The following GALNT8 variants were observed in gnomAD, a reference collection of about 807,000 sequenced individuals.
GALNT8 encodes probable polypeptide N-acetylgalactosaminyltransferase 8.
A neutral mutation model predicts 62.7 loss-of-function variants in GALNT8; 66 were observed. That is an observed-to-expected ratio of 1.05 (90% CI 0.86 to 1.29). The LOEUF (loss-of-function observed/expected upper bound fraction) is 1.29. Ranked by LOEUF, GALNT8 falls within the 50% of genes most tolerant of loss-of-function variation. The pLI is 0.00. For missense variants in GALNT8, 771 were observed against 791.8 expected (o/e 0.97, Z 0.32); for synonymous variants, 288 against 294.3 (o/e 0.98, Z 0.22).
intron 10 of GALNT8, among the ~76,000 whole-genome samples, chr12:4,769,040 G>T (rs939327278): frequency 6.6e-6 from 1 of 152,200 alleles, no homozygotes. Context: ...AGTTCAAGAA[G>T]AGAAGGGCTA....
chr12:4,744,941 G>A (rs1400139001), intron 4 of GALNT8, among the ~76,000 whole-genome samples: 1 of 152,216 alleles, frequency 6.6e-6, no homozygotes, highest in Non-Finnish European at 1.5e-5. Context: ...GTGAATTTGA[G>A]TAAGTCACTT....
chr12:4,734,263 G>A (rs1178052485), intron 2 of GALNT8, among the ~76,000 whole-genome samples: 1 of 152,170 alleles, frequency 6.6e-6, no homozygotes, highest in Non-Finnish European at 1.5e-5. Context: ...GCTGTGACTC[G>A]AGTGAACACA....
At position 4,761,001 on chromosome 12, in the gene GALNT8, G is replaced by C; in HGVS notation, c.1217G>C (p.Arg406Pro). The C allele has an allele frequency of 3.7e-6, 6 of 1,614,060 alleles. No homozygotes were observed. The highest frequency in any genetic ancestry group is 4.2e-6 in the Non-Finnish European group (5 of 1,180,012). ...AAGGTCGAGATTTTGCCCTGTTCCCGGATTGCCCACCTAGAGAGACACCAC... is the reference window on the plus strand; with the variant it reads ...AAGGTCGAGATTTTGCCCTGTTCCCCGATTGCCCACCTAGAGAGACACCAC... Reference protein sequence around the residue: ...GGKVEILPCSRIAHLERHHKP... With the variant: ...GGKVEILPCSPIAHLERHHKP... Residue 406 changes from arginine to proline, a missense_variant, in exon 7 of 11, where the codon CGG becomes CCG. Arg to Pro is a moderately radical substitution (Grantham distance 103). Transcript: ENST00000252318.
chr12:4,732,385 C>T (rs1278694260), intron 2 of GALNT8, among the ~76,000 whole-genome samples: 1 of 151,472 alleles, frequency 6.6e-6, no homozygotes, highest in East Asian at 1.9e-4. Context: ...GTCATCCAAC[C>T]AACAAACACT....
In GALNT8 at chr12:4,749,003, C is replaced by A. The variant is rs1946311959; in HGVS notation, c.1173+2745C>A. On this transcript the variant is annotated intron_variant, in intron 6 of 10. Transcript: ENST00000252318. The surrounding 1 kb of genome is among the most constrained non-coding windows in gnomAD (Gnocchi z 4.1). ...TAAATGGAATTACTTTTAAAGATTT[C>A]TTTTCAGATTGTTCACTATTGGCAT... Among the ~76,000 whole-genome samples, 1 of 151,978 alleles carries A rather than the reference C, an allele frequency of 6.6e-6. No individual in the cohort carries two copies.
intron 6 of GALNT8, among the ~76,000 whole-genome samples, chr12:4,752,682 C>A (rs935568296): frequency 2.0e-5 from 3 of 152,058 alleles, no homozygotes; most frequent in African/African-American, 7.2e-5. Context: ...TTTAGACTTT[C>A]TATTTAGGAT....
At chr12:4,742,544 T>G (rs1340505674) in intron 3 of GALNT8, among the ~76,000 whole-genome samples, 1 of 152,198 alleles carries the variant, frequency 6.6e-6, no homozygotes, top group Non-Finnish European at 1.5e-5. Context: ...GAAAGATACC[T>G]TAATGTGTGA....
At chr12:4,763,679 T>C (rs1946383803) in intron 8 of GALNT8, among the ~76,000 whole-genome samples, 1 of 124,232 alleles carries the variant, frequency 8.0e-6, no homozygotes, top group African/African-American at 3.1e-5. Context: ...CTTGTCCGCC[T>C]GAACTCCGCA....
rs758527457 is a variant in GALNT8, at chr12:4,772,542, A to G, written c.1859A>G (p.Gln620Arg). ...CTTGTGCTCCAGACCTGTAGCACGC[A>G]AGTGTGGGAAATCCAGCACACTGTC... ...HVLVLQTCSTQVWEIQHTVRD... is the reference protein window; with the variant it reads ...HVLVLQTCSTRVWEIQHTVRD... Residue 620 changes from glutamine to arginine, a missense_variant, in exon 11 of 11, where the codon CAA (glutamine) becomes CGA (arginine). By Grantham distance (43) the Gln-to-Arg change is conservative. Transcript: ENST00000252318. The G allele has an allele frequency of 6.2e-7, 1 of 1,613,698 alleles. No homozygotes were observed. Among genetic ancestry groups the G allele is most frequent in the South Asian group, 1.1e-5 (1 of 91,082 alleles).
At chr12:4,768,505 A>AT (rs1373654366) in intron 10 of GALNT8, 2 of 347,070 alleles carry the variant, frequency 5.8e-6, no homozygotes, top group Non-Finnish European at 1.2e-5. Flanking sequence ...TGCCAAGAAA[A>AT]TTTTGGATGA....
intron 8 of GALNT8, 101 bp downstream of exon 8, chr12:4,763,491 C>T (rs1226631631): frequency 2.2e-6 from 2 of 919,064 alleles, no homozygotes; most frequent in Non-Finnish European, 1.7e-6. Context: ...GACGCCCTTC[C>T]TACCTCAGCT....
chr12:4,724,372 A>G (rs1331525905), intron 1 of GALNT8, among the ~76,000 whole-genome samples: 2 of 152,208 alleles, frequency 1.3e-5, no homozygotes, highest in African/African-American at 2.4e-5. Context: ...AAGTTTCAGT[A>G]TAAGTTATGG....
chr12:4,746,990 G>T (rs1017131913), intron 6 of GALNT8, among the ~76,000 whole-genome samples: 2 of 152,166 alleles, frequency 1.3e-5, no homozygotes, highest in African/African-American at 4.8e-5. Flanking sequence ...TCACACTTAA[G>T]CAGTGATGCC....
chr12:4,725,089 G>A (rs2137517173), intron 1 of GALNT8, among the ~76,000 whole-genome samples: 1 of 152,344 alleles, frequency 6.6e-6, no homozygotes, highest in East Asian at 1.9e-4. Flanking sequence ...TTGAAGTTTA[G>A]TGTGGGCTTA....
At chr12:4,743,355 G>A (rs1267756604) in intron 3 of GALNT8, among the ~76,000 whole-genome samples, 2 of 152,236 alleles carry the variant, frequency 1.3e-5, no homozygotes, top group Non-Finnish European at 2.9e-5. Flanking sequence ...AGCCTTAGAC[G>A]TACTGGCCCT....
At chr12:4,731,132 G>C (rs538618403) in intron 2 of GALNT8, among the ~76,000 whole-genome samples, 1 of 151,740 alleles carries the variant, frequency 6.6e-6, no homozygotes, top group Non-Finnish European at 1.5e-5. Context: ...CACCGCCCCC[G>C]GCCTGAGATG....
chr12:4,736,268 C>G (rs1265161278), intron 2 of GALNT8, among the ~76,000 whole-genome samples: 1 of 152,008 alleles, frequency 6.6e-6, no homozygotes, highest in Admixed American at 6.6e-5. Flanking sequence ...ACTGCTTGAA[C>G]AATAAACTAC....
chr12:4,729,671 T>C (rs1378880971), intron 2 of GALNT8, among the ~76,000 whole-genome samples: 1 of 152,176 alleles, frequency 6.6e-6, no homozygotes, highest in Admixed American at 6.5e-5. Context: ...TCCACTATTA[T>C]GAATAATGCT....
At position 4,763,410 on chromosome 12, in the gene GALNT8, A is replaced by C; in HGVS notation, c.1497+20A>C. ...GGAAGAGTATGTATTATGAAATTGC[A>C]CTTTGGATTTTAAATGTTTGACTGT... On this transcript the variant is annotated intron_variant, in intron 8 of 10. Transcript: ENST00000252318. 6.3e-7 allele frequency: 1 copy of C among 1,598,920 alleles called. No individual in the cohort carries two copies. The highest frequency in any genetic ancestry group is 8.6e-7 in the Non-Finnish European group (1 of 1,168,676).
Sources: gnomAD v4.1 joint callset for allele counts (sites outside exome capture counted in the v4.1 genomes callset) on GRCh38, gnomAD v4.1.1 for gene constraint, Gnocchi (gnomAD v3.1) non-coding constraint, MANE v1.5 for transcripts, NCBI Gene and HGNC (gene_info 2026-07-23, HGNC 2026-07-21) for gene names.